Variants in CFAP54 observed in about 807,000 individuals in gnomAD.
The protein encoded by CFAP54 is cilia and flagella associated protein 54, also known as cilia- and flagella-associated protein 54.
Under a neutral mutation model 370.4 loss-of-function variants are expected in CFAP54, and 290 were observed. The ratio of observed to expected loss-of-function variants is 0.78; its 90% CI spans 0.71 to 0.86. The LOEUF (loss-of-function observed/expected upper bound fraction) is 0.86. Ranked by LOEUF, CFAP54 falls within the 40% of genes least tolerant of loss-of-function variation. The pLI is 0.00. For missense variants in CFAP54, 3,399 were observed against 3,528.7 expected (o/e 0.96, Z 0.93); for synonymous variants, 1,206 against 1,236.5 (o/e 0.98, Z 0.52).
chr12:96,646,154 G>A (rs2136494910), intron 33 of CFAP54: 1 of 152,258 alleles, frequency 6.6e-6, no homozygotes, highest in South Asian at 2.1e-4. Flanking sequence ...TACCATCAGA[G>A]TGAACAGGCA....
At chr12:96,514,514 C>G (rs935587323) in intron 5 of CFAP54, among the ~76,000 whole-genome samples, 1 of 152,194 alleles carries the variant, frequency 6.6e-6, no homozygotes, top group Non-Finnish European at 1.5e-5. Context: ...AGATGATTTC[C>G]TAAAGAGAAT....
At chr12:96,810,505 AATAG>A (rs1438733846) in intron 63 of CFAP54, among the ~76,000 whole-genome samples, 11 of 152,304 alleles carry the variant, frequency 7.2e-5, no homozygotes, top group African/African-American at 2.6e-4. Flanking sequence ...TAATACTGAC[AATAG>A]ATAGCTTAAC....
chr12:96,678,177 CT>C (rs145562968), intron 39 of CFAP54, among the ~76,000 whole-genome samples: 19,793 of 152,216 alleles, frequency 0.13, 1,695 homozygotes, highest in Middle Eastern at 0.24. Context: ...ATTTCTACTC[CT>C]GACCATTTTT....
At chr12:96,659,702 T>G (rs187322702) in intron 38 of CFAP54, among the ~76,000 whole-genome samples, 2 of 152,336 alleles carry the variant, frequency 1.3e-5, no homozygotes, top group African/African-American at 4.8e-5. Flanking sequence ...TTGACTAATT[T>G]AACAAAGTGC....
chr12:96,665,175 C>A (rs1957065286), intron 39 of CFAP54, among the ~76,000 whole-genome samples: 1 of 148,510 alleles, frequency 6.7e-6, no homozygotes, highest in Admixed American at 6.7e-5. Context: ...TTGTTTTTTT[C>A]TTGTAAATTT....
rs1955733636 is a variant in CFAP54 at position 96,554,730 on chromosome 12, A to C, written c.2338A>C (p.Met780Leu). 1 of 1,535,230 alleles carries C rather than the reference A, an allele frequency of 6.5e-7. No homozygotes were observed. Among genetic ancestry groups the C allele is most frequent in the Non-Finnish European group, 8.7e-7 (1 of 1,146,278 alleles). ...TYKPLASNSFMMDLHLELIQA... is the reference protein window; with the variant it reads ...TYKPLASNSFLMDLHLELIQA... ...CAAACCACTTGCCTCAAATAGTTTC[A>C]TGATGGATTTGCATCTTGAACTAAT... is the stretch of plus-strand genomic sequence containing the variant. The change falls in exon 17 of 68, where the codon ATG (methionine) becomes CTG (leucine). Residue 780 changes from methionine (M) to leucine (L), a missense_variant. This residue lies in a region of CFAP54 where 2,796 missense variants were observed against 2,869.7 expected (regional missense o/e 0.97). Transcript: ENST00000524981.
chr12:96,728,245 TCTC>T (rs1249946417), intron 50 of CFAP54, among the ~76,000 whole-genome samples: 3 of 152,186 alleles, frequency 2.0e-5, no homozygotes, highest in Non-Finnish European at 4.4e-5. Flanking sequence ...TTGGGGAAGT[TCTC>T]CTGGATAATA....
Position 96,521,800 on chromosome 12 carries a change from T to A in CFAP54, c.943-57T>A, listed in dbSNP as rs1955323928. ...CTGGGAGAACAAAACATTGTCTTTA[T>A]ACATTTTAATCACTATATTCTGATT... is the stretch of plus-strand genomic sequence containing the variant. On this transcript the variant is annotated intron_variant, in intron 6 of 67. Transcript: ENST00000524981. 9.4e-6 allele frequency: 12 copies of A among 1,270,424 alleles called. No homozygotes were observed. The South Asian group carries it at 1.7e-4, about 18-fold the overall frequency. The allele number at this position is 1,270,424 out of a possible 1,614,324, so 78.7% of individuals were successfully genotyped here.
intron 39 of CFAP54, among the ~76,000 whole-genome samples, chr12:96,674,908 C>T (rs1957188367): frequency 6.6e-6 from 1 of 152,158 alleles, no homozygotes; most frequent in Admixed American, 6.5e-5. Context: ...AACTGGATCC[C>T]TTCCTTACAC....
chr12:96,660,752 C>T (rs1263439534), intron 38 of CFAP54, among the ~76,000 whole-genome samples: 2 of 152,276 alleles, frequency 1.3e-5, no homozygotes, highest in East Asian at 3.9e-4. Flanking sequence ...CATCAGACCC[C>T]AGAGGTTGGG....
rs373752504 is a variant in CFAP54 at position 96,743,745 on chromosome 12, G to A, written c.7392G>A (p.Leu2464=). Residue 2464 remains leucine (L), a synonymous_variant, in exon 54 of 68, where the codon TTG becomes TTA. Coordinates refer to ENST00000524981, the MANE Select transcript of CFAP54 (RefSeq NM_001306084.2). ...TATTTTAATAGGATATAATACATTT[G>A]CTGGAAGGAAATGAATTTATTTCTC... is the stretch of plus-strand genomic sequence containing the variant. ...IMTNLQDIIH[L]LEGNEFISPQ... 4.4e-6 allele frequency: 7 copies of A among 1,604,470 alleles called. No homozygotes were observed. Among genetic ancestry groups the A allele is most frequent in the Non-Finnish European group, 5.9e-6 (7 of 1,176,560 alleles).
At chr12:96,720,346 A>G in intron 49 of CFAP54, 59 bp from the exon 50 acceptor site, 2 of 1,272,026 alleles carry the variant, frequency 1.6e-6, no homozygotes, top group East Asian at 2.8e-5. Flanking sequence ...GCTAAAGAAG[A>G]AAGAGACAGT....
At chr12:96,662,397 G>A (rs1480694045) in intron 38 of CFAP54, among the ~76,000 whole-genome samples, 1 of 151,986 alleles carries the variant, frequency 6.6e-6, no homozygotes, top group Non-Finnish European at 1.5e-5. Flanking sequence ...TAGAGATGGG[G>A]TTTCACCATG....
intron 34 of CFAP54, among the ~76,000 whole-genome samples, chr12:96,649,010 T>C (rs1451065080): frequency 6.6e-6 from 1 of 152,230 alleles, no homozygotes; most frequent in Non-Finnish European, 1.5e-5. Flanking sequence ...ATGATATGGT[T>C]CATTTCACAA....
At chr12:96,714,090 G>T (rs1198366505) in intron 48 of CFAP54, among the ~76,000 whole-genome samples, 1 of 152,162 alleles carries the variant, frequency 6.6e-6, no homozygotes, top group African/African-American at 2.4e-5. Flanking sequence ...TGGGGTTAGG[G>T]GAACGAACAG....
rs1398641882 is a variant in CFAP54 at position 96,743,727 on chromosome 12, A to G, written c.7378-4A>G. 3.3e-5 allele frequency: 53 copies of G among 1,583,640 alleles called. No homozygotes were observed. The highest frequency in any genetic ancestry group is 2.3e-5 in the Non-Finnish European group (27 of 1,167,630). On this transcript the variant is annotated splice_polypyrimidine_tract_variant and splice_region_variant and intron_variant, in intron 53 of 67. Transcript: ENST00000524981. The stretch of plus-strand genomic sequence containing the variant: ...TATCAAAATGAATAATTTTATTTTA[A>G]TAGGATATAATACATTTGCTGGAAG...
chr12:96,554,826 C>A (rs769102591), intron 17 of CFAP54, 24 bp downstream of exon 17: 12 of 1,512,262 alleles, frequency 7.9e-6, no homozygotes, highest in Non-Finnish European at 9.7e-6. Context: ...AAGCAAGTAA[C>A]CATTCTGAAT....
Position 96,648,580 on chromosome 12 carries a change from C to CTTTTTT in CFAP54, c.4690+585_4690+590dup, listed in dbSNP as rs11303164. 5.6e-3 allele frequency among the ~76,000 whole-genome samples: 330 copies of CTTTTTT among 58,688 alleles called. 9 individuals are homozygous for CTTTTTT. The highest frequency in any genetic ancestry group is 8.2e-3 in the Non-Finnish European group (276 of 33,832). 38.5% of individuals were successfully genotyped at this position (58,688 alleles called of 152,430 possible). A position where few individuals can be genotyped will look rare whatever the true frequency, so the allele number is the denominator to read the frequency against. On this transcript the variant is annotated intron_variant, in intron 34 of 67. Transcript: ENST00000524981. ...TAGAGACATGCAGGTAAACAGGGTT[C>CTTTTTT]TTTTTTTTTTTTTTTTTTTTTTTTT...
At chr12:96,571,423 G>A (rs1488133773) in intron 19 of CFAP54, among the ~76,000 whole-genome samples, 1 of 152,108 alleles carries the variant, frequency 6.6e-6, no homozygotes, top group African/African-American at 2.4e-5. Flanking sequence ...GAGATTTCTT[G>A]GCTGAGTCCC....
Sources: allele counts gnomAD v4.1 joint callset (sites outside exome capture counted in the v4.1 genomes callset), GRCh38; gene constraint gnomAD v4.1.1; regional missense constraint gnomAD v4.1.1; transcripts MANE v1.5; gene names NCBI Gene and HGNC (gene_info 2026-07-23, HGNC 2026-07-21).